The following AGMO variants were observed in gnomAD, a reference collection of about 807,000 sequenced individuals.
AGMO encodes glyceryl-ether monooxygenase.
A neutral mutation model predicts 60.2 loss-of-function variants in AGMO; 75 were observed. The observed-to-expected ratio is 1.25, with a 90% CI of 1.03 to 1.51. The LOEUF (loss-of-function observed/expected upper bound fraction) is 1.51. Among genes scored for constraint, AGMO ranks in the 40% most tolerant of loss-of-function variants. AGMO has a pLI of 0.00. For synonymous variants in AGMO, 261 were observed against 177.1 expected (o/e 1.47, Z -3.76); for missense variants, 763 against 525.5 (o/e 1.45, Z -4.42).
At chr7:15,194,620 A>G in the AGMO span, among the ~76,000 whole-genome samples, 7 of 152,172 alleles carry the variant, frequency 4.6e-5, no homozygotes, top group Non-Finnish European at 7.3e-5. Context: ...TGTGAATAAT[A>G]TAAGTTGATA....
downstream of AGMO, among the ~76,000 whole-genome samples, chr7:15,195,935 T>C (rs1781105998): frequency 6.6e-6 from 1 of 152,084 alleles, no homozygotes; most frequent in Admixed American, 6.5e-5. Context: ...TTCCCCACTC[T>C]ACCTCCATTC....
At chr7:15,194,249 G>A in the AGMO span, among the ~76,000 whole-genome samples, 1 of 152,118 alleles carries the variant, frequency 6.6e-6, no homozygotes, top group Non-Finnish European at 1.5e-5. Flanking sequence ...TCAGATGGCA[G>A]TGAGATGAAA....
At chr7:15,529,777 TTTC>T (rs1562555306) in intron 3 of AGMO, among the ~76,000 whole-genome samples, 3 of 106,884 alleles carry the variant, frequency 2.8e-5, no homozygotes, top group African/African-American at 1.1e-4. Context: ...TCTATATATA[TTTC>T]TCTATATATA....
intron 12 of AGMO, among the ~76,000 whole-genome samples, chr7:15,285,455 G>T (rs1418752537): frequency 1.3e-5 from 2 of 151,922 alleles, no homozygotes; most frequent in South Asian, 2.1e-4. Flanking sequence ...ATCAAATCAA[G>T]AACCCAATTC....
At chr7:15,314,944 C>G (rs1230100917) in intron 12 of AGMO, among the ~76,000 whole-genome samples, 1 of 152,118 alleles carries the variant, frequency 6.6e-6, no homozygotes, top group Non-Finnish European at 1.5e-5. Context: ...TCATTGCTGG[C>G]TCTAATCTGT....
intron 3 of AGMO, among the ~76,000 whole-genome samples, chr7:15,478,319 T>C (rs11766694): frequency 0.13 from 20,072 of 152,146 alleles, 1,444 homozygotes; most frequent in Non-Finnish European, 0.15. Flanking sequence ...TGTTTGTCTA[T>C]GAAACTAAAG....
rs556569995 is a variant in AGMO at position 15,490,756 on chromosome 7, A to C, written c.409+54016T>G. The stretch of plus-strand genomic sequence containing the variant: ...AGGAAAATTGATATAAGAAAATAAA[A>C]AATATCCCACCATTTCATATACAAA... On this transcript the variant is annotated intron_variant, in intron 3 of 12. Transcript: ENST00000342526. Among the ~76,000 whole-genome samples the C allele has an allele frequency of 3.9e-3, 594 of 152,278 alleles. 1 individual carries two copies. The highest frequency in any genetic ancestry group is 0.013 in the African/African-American group (548 of 41,554).
At chr7:15,486,725 A>G (rs916550109) in intron 3 of AGMO, among the ~76,000 whole-genome samples, 8 of 152,140 alleles carry the variant, frequency 5.3e-5, no homozygotes, top group Admixed American at 3.9e-4. Flanking sequence ...ATTTCTAAGA[A>G]TATACTTTTT....
intron 10 of AGMO, among the ~76,000 whole-genome samples, chr7:15,378,104 G>C (rs1783526598): frequency 6.6e-6 from 1 of 151,906 alleles, no homozygotes; most frequent in South Asian, 2.1e-4. Flanking sequence ...TAGTATCCTA[G>C]TTCCTGCATT....
the AGMO span, among the ~76,000 whole-genome samples, chr7:15,166,803 A>G: frequency 1.3e-5 from 2 of 152,134 alleles, no homozygotes; most frequent in Non-Finnish European, 2.9e-5. Flanking sequence ...GGAGTCCAGG[A>G]TGATGCAAGC....
chr7:15,247,314 A>G (rs370526514), intron 12 of AGMO, among the ~76,000 whole-genome samples: 1 of 152,210 alleles, frequency 6.6e-6, no homozygotes, highest in South Asian at 2.1e-4. Context: ...TTTTTCTTTA[A>G]AATTTATTAA....
At chr7:15,273,901 T>A (rs1445553012) in intron 12 of AGMO, among the ~76,000 whole-genome samples, 3 of 152,136 alleles carry the variant, frequency 2.0e-5, no homozygotes, top group Non-Finnish European at 2.9e-5. Flanking sequence ...ATGGGAGTTC[T>A]ATCATGATTT....
chr7:15,322,985 ATTT>A (rs1255647218), intron 12 of AGMO, among the ~76,000 whole-genome samples: 1 of 79,902 alleles, frequency 1.3e-5, no homozygotes, highest in Non-Finnish European at 2.5e-5. Context: ...ATATGTATTT[ATTT>A]TTTATTTTTT....
At chr7:15,277,473 C>G (rs1783835991) in intron 12 of AGMO, among the ~76,000 whole-genome samples, 1 of 151,880 alleles carries the variant, frequency 6.6e-6, no homozygotes, top group Admixed American at 6.6e-5. Context: ...TATGCTGATC[C>G]CTTCTGATCT....
intron 3 of AGMO, among the ~76,000 whole-genome samples, chr7:15,487,272 T>C (rs1182013314): frequency 6.6e-6 from 1 of 152,116 alleles, no homozygotes; most frequent in Non-Finnish European, 1.5e-5. Context: ...TTAAAATGTA[T>C]ATTATAATAA....
intron 3 of AGMO, among the ~76,000 whole-genome samples, chr7:15,500,782 G>T (rs1783362311): frequency 6.6e-6 from 1 of 151,784 alleles, no homozygotes; most frequent in Non-Finnish European, 1.5e-5. Flanking sequence ...GTGATGTTAG[G>T]TTCTTAATTT....
At chr7:15,376,310 A>G (rs1562469688) in intron 10 of AGMO, among the ~76,000 whole-genome samples, 2 of 152,114 alleles carry the variant, frequency 1.3e-5, no homozygotes, top group Admixed American at 6.5e-5. Context: ...TTTCATGAAG[A>G]ACCTAAGCTA....
chr7:15,492,680 G>C (rs1397493916), intron 3 of AGMO, among the ~76,000 whole-genome samples: 13 of 151,880 alleles, frequency 8.6e-5, no homozygotes, highest in Admixed American at 5.9e-4. Context: ...TCTTTATCTA[G>C]TTCACCGTTG....
intron 3 of AGMO, among the ~76,000 whole-genome samples, chr7:15,433,749 T>C (rs923731308): frequency 1.2e-4 from 18 of 145,150 alleles, no homozygotes; most frequent in African/African-American, 4.6e-4. Context: ...TCTTTTTCTA[T>C]ACGAAAATTA....
Sources: gnomAD v4.1 joint callset for allele counts (sites outside exome capture counted in the v4.1 genomes callset) on GRCh38, gnomAD v4.1.1 for gene constraint, MANE v1.5 for transcripts, NCBI Gene and HGNC (gene_info 2026-07-23, HGNC 2026-07-21) for gene names.